Variants in NUP93 observed in about 807,000 individuals in gnomAD.
NUP93 encodes the protein nuclear pore complex protein Nup93.
A neutral mutation model predicts 107.8 loss-of-function variants in NUP93; 55 were observed. The observed-to-expected ratio is 0.51, with a 90% CI of 0.41 to 0.64. The LOEUF (loss-of-function observed/expected upper bound fraction) is 0.64. Among genes scored for constraint, NUP93 ranks in the 30% least tolerant of loss-of-function variants. NUP93 has a pLI of 0.00. For missense variants in NUP93, 937 were observed against 1,044.7 expected, an observed-to-expected ratio of 0.90 and a Z score of 1.42; for synonymous variants, 390 against 397.5, an observed-to-expected ratio of 0.98 and a Z score of 0.22.
At chr16:56,808,214 TATGTA>T (rs1963202650) in intron 5 of NUP93, among the ~76,000 whole-genome samples, 3 of 112,732 alleles carry the variant, frequency 2.7e-5, no homozygotes, top group African/African-American at 1.1e-4. Context: ...AATATATAGT[TATGTA>T]ACTATATAAA....
chr16:56,823,866 G>A lies in NUP93; in HGVS notation c.794+20G>A, dbSNP rs556385476. The A allele has an allele frequency of 6.2e-7, 1 of 1,609,472 alleles. No individual in the cohort carries two copies. Among genetic ancestry groups the A allele is most frequent in the Admixed American group, 1.7e-5 (1 of 59,930 alleles). On this transcript the variant is annotated intron_variant, in intron 8 of 21. Coordinates refer to ENST00000308159, the MANE Select transcript of NUP93 (RefSeq NM_014669.5). Reference sequence around the variant, plus strand: ...GCAGAGGTAAGGCAGCAGTAGCACAGTGGGGCTGGCTTTCACATCCTTTGC... The same window carrying A: ...GCAGAGGTAAGGCAGCAGTAGCACAATGGGGCTGGCTTTCACATCCTTTGC...
At chr16:56,737,745 A>G (rs1961636524) in intron 1 of NUP93, among the ~76,000 whole-genome samples, 1 of 152,152 alleles carries the variant, frequency 6.6e-6, no homozygotes, top group Non-Finnish European at 1.5e-5. Flanking sequence ...CAAGGTATGA[A>G]TATACTGCCA....
At position 56,847,359 on chromosome 16, in the gene NUP93, T is replaced by C. The variant is rs901052990; in HGVS notation, c.*2750T>C. 3.9e-5 allele frequency: 6 copies of C among 152,198 alleles called. No individual in the cohort carries two copies. Among genetic ancestry groups the C allele is most frequent in the Non-Finnish European group, 8.8e-5 (6 of 68,040 alleles). The allele number at this position is 152,198 out of a possible 1,614,324, so 9.4% of individuals were successfully genotyped here. On this transcript the variant is annotated 3_prime_UTR_variant, in exon 22 of 22. Coordinates refer to ENST00000308159, the MANE Select transcript of NUP93 (RefSeq NM_014669.5). The stretch of plus-strand genomic sequence containing the variant: ...TTAAAAACTCATCTTCAGCCCACTT[T>C]TTCAGAGAACTAACTCTTTCCTTAG...
In NUP93 at chr16:56,833,332, A is replaced by G. The variant is rs1596856296; in HGVS notation, c.1463A>G (p.His488Arg). Residue 488 changes from histidine to arginine, a missense_variant, in exon 13 of 22, where the codon CAT becomes CGT. Transcript: ENST00000308159. Reference sequence around the variant, plus strand: ...TTCCGCATGGAGCGGCTGCGCTGCCATGCTGTCCATGTAGCACTGGTGCTG... The same window carrying G: ...TTCCGCATGGAGCGGCTGCGCTGCCGTGCTGTCCATGTAGCACTGGTGCTG... ...FLFRMERLRC[H>R]AVHVALVLFE... is the part of the protein sequence containing the mutation. The G allele has an allele frequency of 3.7e-6, 6 of 1,606,708 alleles. No homozygotes were observed. In the South Asian group the frequency reaches 4.5e-5, roughly 12 times the overall value.
At chr16:56,788,421 T>C (rs1962677230) in intron 3 of NUP93, among the ~76,000 whole-genome samples, 2 of 152,224 alleles carry the variant, frequency 1.3e-5, no homozygotes, top group Non-Finnish European at 2.9e-5. Flanking sequence ...AAGGGTAGCA[T>C]AGGGCTTTGC....
chr16:56,836,333 A>G (rs1963909767), intron 16 of NUP93, among the ~76,000 whole-genome samples: 1 of 152,332 alleles, frequency 6.6e-6, no homozygotes, highest in Middle Eastern at 3.4e-3. Flanking sequence ...TTGGAAAATT[A>G]GAAAGCACAG....
chr16:56,759,878 G>A (rs751079800), intron 3 of NUP93, among the ~76,000 whole-genome samples: 5 of 152,018 alleles, frequency 3.3e-5, no homozygotes, highest in African/African-American at 1.2e-4. Context: ...GAAATTGTTT[G>A]TTTGAAAAAC....
chr16:56,783,539 C>T, intron 3 of NUP93: 1 of 985,418 alleles, frequency 1.0e-6, no homozygotes, highest in Non-Finnish European at 1.2e-6. Context: ...AACACTGACC[C>T]TGTATGGGAG....
chr16:56,734,184 A>G (rs771352623), intron 1 of NUP93, among the ~76,000 whole-genome samples: 6 of 152,236 alleles, frequency 3.9e-5, no homozygotes, highest in Non-Finnish European at 5.9e-5. Flanking sequence ...GAAATGTGGT[A>G]GAGTGGACGG....
At chr16:56,842,111 A>G (rs1964037835) in intron 21 of NUP93, among the ~76,000 whole-genome samples, 1 of 152,232 alleles carries the variant, frequency 6.6e-6, no homozygotes, top group South Asian at 2.1e-4. Flanking sequence ...CTCCATAAGA[A>G]CTTCCTGCAC....
intron 3 of NUP93, among the ~76,000 whole-genome samples, chr16:56,781,088 G>A (rs1034367463): frequency 6.6e-6 from 1 of 152,102 alleles, no homozygotes; most frequent in Non-Finnish European, 1.5e-5. Flanking sequence ...CCCTTCCTGA[G>A]GAGCACTTTT....
chr16:56,759,995 T>C (rs560062277), intron 3 of NUP93, among the ~76,000 whole-genome samples: 5 of 152,334 alleles, frequency 3.3e-5, no homozygotes, highest in African/African-American at 1.2e-4. Context: ...AAACTCCATT[T>C]TTTTACCTTA....
intron 5 of NUP93, among the ~76,000 whole-genome samples, chr16:56,815,959 C>A (rs965689059): frequency 9.9e-5 from 15 of 152,162 alleles, no homozygotes; most frequent in African/African-American, 2.9e-4. Context: ...ACCACTACTA[C>A]TACTCTCTAC....
intron 1 of NUP93, among the ~76,000 whole-genome samples, chr16:56,736,848 AT>A (rs1961622580): frequency 6.6e-6 from 1 of 152,260 alleles, no homozygotes; most frequent in Non-Finnish European, 1.5e-5. Flanking sequence ...TTAACAAGTT[AT>A]TAAAAATTAT....
At chr16:56,821,251 C>G (rs1963535263) in intron 6 of NUP93, among the ~76,000 whole-genome samples, 1 of 152,172 alleles carries the variant, frequency 6.6e-6, no homozygotes, top group African/African-American at 2.4e-5. Context: ...AGGCACAGAC[C>G]TGCCTGTGGT....
intron 2 of NUP93, among the ~76,000 whole-genome samples, chr16:56,755,754 A>C (rs1962007359): frequency 6.6e-6 from 1 of 152,162 alleles, no homozygotes; most frequent in Non-Finnish European, 1.5e-5. Flanking sequence ...GTGCATCTGT[A>C]GTCCCAGCTA....
intron 3 of NUP93, among the ~76,000 whole-genome samples, chr16:56,770,907 T>TA (rs144413539): frequency 0.21 from 30,469 of 145,238 alleles, 3,256 homozygotes; most frequent in Middle Eastern, 0.33. Context: ...ACTGAAAAAT[T>TA]AAAAAAAAAA....
chr16:56,814,168 T>C lies in NUP93; in HGVS notation c.490-4496T>C, dbSNP rs1257145656. On this transcript the variant is annotated intron_variant, in intron 5 of 21. Transcript: ENST00000308159. ...TATTCATTTTGCTAGGAGTGCTAGT[T>C]GCATTCCTTTTTTTTCTTTTTCTCC... is the stretch of plus-strand genomic sequence containing the variant. Among the ~76,000 whole-genome samples, 4 of 152,200 alleles carry C rather than the reference T, an allele frequency of 2.6e-5. No homozygotes were observed. In the East Asian group the frequency reaches 7.7e-4, roughly 29 times the overall value.
intron 5 of NUP93, among the ~76,000 whole-genome samples, chr16:56,808,718 TATA>T (rs1963240472): frequency 3.8e-4 from 13 of 34,480 alleles, no homozygotes; most frequent in Non-Finnish European, 2.1e-4. Context: ...CATATATAAA[TATA>T]TATAAATACA....
Sources: gnomAD v4.1 joint callset for allele counts (sites outside exome capture counted in the v4.1 genomes callset) on GRCh38, gnomAD v4.1.1 for gene constraint, MANE v1.5 for transcripts, NCBI Gene and HGNC (gene_info 2026-07-23, HGNC 2026-07-21) for gene names.